The following DOK1 variants were observed in gnomAD, a reference collection of about 807,000 sequenced individuals.
The protein encoded by DOK1 is Downstream of tyrosine kinase 1.
Under a neutral mutation model 24.0 loss-of-function variants are expected in DOK1, and 12 were observed. That is an observed-to-expected ratio of 0.50 (90% CI 0.32 to 0.81). The LOEUF (loss-of-function observed/expected upper bound fraction) is 0.81, where lower values mean the gene tolerates loss of function less well. DOK1 is among the 30% of genes least tolerant of loss of function. The pLI, the probability that DOK1 is intolerant of heterozygous loss-of-function variation, is 0.03. For synonymous variants in DOK1, 250 were observed against 260.9 expected (o/e 0.96, Z 0.40); for missense variants, 591 against 620.7 (o/e 0.95, Z 0.51).
chr2:74,553,502 T>C (rs906743455), upstream of DOK1, among the ~76,000 whole-genome samples: 2 of 152,178 alleles, frequency 1.3e-5, no homozygotes, highest in Non-Finnish European at 2.9e-5. Flanking sequence ...CTATGGCTCC[T>C]CAGCCAAGGC....
At chr2:74,550,246 TC>T (rs1451856120), upstream of DOK1, 1 of 1,614,184 alleles carries the variant, frequency 6.2e-7, no homozygotes, top group Admixed American at 1.7e-5. Flanking sequence ...GACCCCAGCA[TC>T]CTCATCGTGC....
chr2:74,550,016 C>G, upstream of DOK1: 2 of 985,372 alleles, frequency 2.0e-6, no homozygotes, highest in Non-Finnish European at 2.4e-6. Context: ...ATGCTAAAAA[C>G]CTGTTGGATT....
upstream of DOK1, chr2:74,549,803 G>A (rs886359783): frequency 2.8e-5 from 39 of 1,412,696 alleles, no homozygotes; most frequent in Non-Finnish European, 3.2e-5. This position sits in a 1 kb window ranked among gnomAD's most constrained non-coding sequence, Gnocchi z 5.3. Flanking sequence ...GAGGATTCAG[G>A]GCACTAGGAA....
In DOK1 at chr2:74,554,934, T is replaced by C; in HGVS notation, c.60+120T>C. On this transcript the variant is annotated intron_variant, in intron 1 of 4. Transcript: ENST00000233668. This position sits in a 1 kb window ranked among gnomAD's most constrained non-coding sequence, Gnocchi z 4.9. ...CGCCGGGAGTTGGAGAGCCTGTGAC[T>C]TTCCCGTGAAGTTGCTTTGCACACT... The C allele has an allele frequency of 6.6e-7, 1 of 1,524,506 alleles. No homozygotes were observed. 94.4% of individuals were successfully genotyped at this position (1,524,506 alleles called of 1,614,324 possible). A position where few individuals can be genotyped will look rare whatever the true frequency, so the allele number is the denominator to read the frequency against.
chr2:74,554,690 G>T (rs1677272127), upstream of DOK1: 2 of 1,538,718 alleles, frequency 1.3e-6, no homozygotes, highest in Non-Finnish European at 1.8e-6. The surrounding 1 kb of genome is among the most constrained non-coding windows in gnomAD (Gnocchi z 4.9). Context: ...CAGGGAACCC[G>T]GCCCCGCCTC....
rs1032103008 is a variant in DOK1 at position 74,554,956 on chromosome 2, C to T, written c.60+142C>T. On this transcript the variant is annotated intron_variant, in intron 1 of 4. Coordinates refer to ENST00000233668, the MANE Select transcript of DOK1 (RefSeq NM_001381.5). This position sits in a 1 kb window ranked among gnomAD's most constrained non-coding sequence, Gnocchi z 4.9. The stretch of plus-strand genomic sequence containing the variant: ...GACTTTCCCGTGAAGTTGCTTTGCA[C>T]ACTCCCGGGAAGCGTCTGTAGTCTA... The T allele has an allele frequency of 5.0e-5, 73 of 1,459,948 alleles. No homozygotes were observed. In the African/African-American group the frequency reaches 8.6e-4, roughly 17 times the overall value. 90.4% of individuals were successfully genotyped at this position (1,459,948 alleles called of 1,614,324 possible).
chr2:74,554,658 C>G, upstream of DOK1: 1 of 1,266,924 alleles, frequency 7.9e-7, no homozygotes, highest in East Asian at 2.5e-5. The surrounding 1 kb of genome is among the most constrained non-coding windows in gnomAD (Gnocchi z 4.9). Flanking sequence ...CGGCGGGGGC[C>G]GGGGAGGGGC....
Position 74,556,873 on chromosome 2 carries a change from A to G in DOK1, c.1205A>G (p.Tyr402Cys). 1 of 1,614,112 alleles carries G rather than the reference A, an allele frequency of 6.2e-7. No homozygotes were observed. Among genetic ancestry groups the G allele is most frequent in the Non-Finnish European group, 8.5e-7 (1 of 1,180,018 alleles). ...AAGGAGGAGGGCTATGAGCTCCCCT[A>G]CAACCCTGCCACTGATGACTACGCT... ...RVKEEGYELP[Y>C]NPATDDYAVP... The change falls in exon 5 of 5, where the codon TAC (tyrosine) becomes TGC (cysteine). Residue 402 changes from tyrosine to cysteine, a missense_variant. Coordinates refer to ENST00000233668, the MANE Select transcript of DOK1 (RefSeq NM_001381.5). This position sits in a 1 kb window ranked among gnomAD's most constrained non-coding sequence, Gnocchi z 4.1.
upstream of DOK1, chr2:74,553,189 G>A (rs1210121204): frequency 6.5e-6 from 1 of 153,760 alleles, no homozygotes; most frequent in East Asian, 1.9e-4. Flanking sequence ...AGGGAGGACA[G>A]ACAGCTGTAC....
At position 74,549,360 on chromosome 2, in the gene DOK1, G is replaced by T; in HGVS notation, c.-358+188G>T. The T allele has an allele frequency of 6.3e-7, 1 of 1,575,646 alleles. No individual in the cohort carries two copies. The highest frequency in any genetic ancestry group is 8.6e-7 in the Non-Finnish European group (1 of 1,159,872). On this transcript the variant is annotated intron_variant, in intron 1 of 4. Coordinates refer to the DOK1 transcript ENST00000409429. The surrounding 1 kb of genome is among the most constrained non-coding windows in gnomAD (Gnocchi z 5.3). The stretch of plus-strand genomic sequence containing the variant: ...CGGCCTGCTCCGCCCGGCGCCCGCG[G>T]CCCCTCACCTGTAGAAGGCCGCGTT...
chr2:74,551,830 C>T (rs1171739978), upstream of DOK1, among the ~76,000 whole-genome samples: 1 of 152,256 alleles, frequency 6.6e-6, no homozygotes, highest in Non-Finnish European at 1.5e-5. Context: ...ACCACCCACA[C>T]TCATACTTGT....
chr2:74,554,543 G>C (rs920803911), upstream of DOK1: 21 of 576,012 alleles, frequency 3.6e-5, no homozygotes, highest in Non-Finnish European at 6.4e-5. This position sits in a 1 kb window ranked among gnomAD's most constrained non-coding sequence, Gnocchi z 4.9. Context: ...CCCCCACGAC[G>C]GCGGGTAGGG....
chr2:74,554,522 C>A, upstream of DOK1: 1 of 571,292 alleles, frequency 1.8e-6, no homozygotes, highest in South Asian at 2.1e-5. This position sits in a 1 kb window ranked among gnomAD's most constrained non-coding sequence, Gnocchi z 4.9. Flanking sequence ...TTCGGTGGAG[C>A]CACTGGCGCG....
Position 74,555,837 on chromosome 2 carries a change from TCCCCACTGCTGCCCCCGTCCCTC to T in DOK1, c.455-52_455-30del. On this transcript the variant is annotated intron_variant, in intron 3 of 4. Coordinates refer to ENST00000233668, the MANE Select transcript of DOK1 (RefSeq NM_001381.5). The surrounding 1 kb of genome is among the most constrained non-coding windows in gnomAD (Gnocchi z 6.1). ...ACACTATGCTCATGAGTCCTCTGGG[TCCCCACTGCTGCCCCCGTCCCTC>T]CCCCGCAGCTGTCTAATCGTGTATG... 1.3e-6 allele frequency: 2 copies of T among 1,581,878 alleles called. No individual in the cohort carries two copies. Among genetic ancestry groups the T allele is most frequent in the Non-Finnish European group, 8.6e-7 (1 of 1,163,164 alleles).
Position 74,556,913 on chromosome 2 carries a change from G to C in DOK1, c.1245G>C (p.Arg415=). Residue 415 remains arginine (R), a synonymous_variant, in exon 5 of 5, where the codon CGG becomes CGC. Transcript: ENST00000233668. This position sits in a 1 kb window ranked among gnomAD's most constrained non-coding sequence, Gnocchi z 4.1. ...ATDDYAVPPP[R]STKPLLAPKP... is the part of the protein sequence containing the mutation. ...ATGACTACGCTGTGCCACCCCCTCG[G>C]AGCACAAAGCCCCTCCTTGCTCCCA... 1 of 1,614,100 alleles carries C rather than the reference G, an allele frequency of 6.2e-7. No homozygotes were observed.
upstream of DOK1, chr2:74,554,582 C>G (rs1677258155): frequency 4.7e-6 from 3 of 636,302 alleles, no homozygotes; most frequent in Admixed American, 3.0e-5. This position sits in a 1 kb window ranked among gnomAD's most constrained non-coding sequence, Gnocchi z 4.9. Context: ...CCCGGCTAAT[C>G]CGGGGGTCTC....
At chr2:74,550,261 C>T, upstream of DOK1, 3 of 1,614,182 alleles carry the variant, frequency 1.9e-6, no homozygotes, top group Non-Finnish European at 2.5e-6. Context: ...ATCGTGCGTA[C>T]AGTCACTGTT....
chr2:74,552,418 C>T, upstream of DOK1: 1 of 1,613,880 alleles, frequency 6.2e-7, no homozygotes, highest in Non-Finnish European at 8.5e-7. Context: ...AGCGTGAAGT[C>T]ATCATCGCAG....
chr2:74,552,744 T>C (rs1266293180), upstream of DOK1: 10 of 1,062,692 alleles, frequency 9.4e-6, no homozygotes, highest in Non-Finnish European at 4.0e-6. Flanking sequence ...AAACAGACAC[T>C]GAGTAAGACA....
Sources: gnomAD v4.1 joint callset for allele counts (sites outside exome capture counted in the v4.1 genomes callset) on GRCh38, gnomAD v4.1.1 for gene constraint, Gnocchi (gnomAD v3.1) non-coding constraint, MANE v1.5 for transcripts, NCBI Gene and HGNC (gene_info 2026-07-23, HGNC 2026-07-21) for gene names.